The following ATOSA variants were observed in gnomAD, a reference collection of about 807,000 sequenced individuals.
ATOSA encodes atos homolog protein A.
At chr15:52,636,039 A>T in the ATOSA span, among the ~76,000 whole-genome samples, 1 of 147,468 alleles carries the variant, frequency 6.8e-6, no homozygotes, top group Admixed American at 6.8e-5. Context: ...TAATAAATAT[A>T]TATTATTAAT....
the ATOSA span, among the ~76,000 whole-genome samples, chr15:52,649,265 C>T: frequency 6.6e-5 from 10 of 151,962 alleles, no homozygotes; most frequent in East Asian, 5.8e-4. Flanking sequence ...ATGAAATTTC[C>T]GCAAGGAAGA....
the ATOSA span, chr15:52,608,839 A>G: frequency 5.0e-6 from 8 of 1,607,430 alleles, no homozygotes; most frequent in Non-Finnish European, 6.8e-6. Context: ...ATATTCAGAC[A>G]TTTCCAACAC....
At chr15:52,679,745 A>ATAG in the ATOSA span, among the ~76,000 whole-genome samples, 16 of 144,276 alleles carry the variant, frequency 1.1e-4, 2 homozygotes, top group East Asian at 3.4e-3. Context: ...GAGGATAATT[A>ATAG]TAGTCGTCGT....
chr15:52,602,955 T>C, the ATOSA span, among the ~76,000 whole-genome samples: 2 of 152,212 alleles, frequency 1.3e-5, no homozygotes, highest in Non-Finnish European at 2.9e-5. Flanking sequence ...CATAACATTA[T>C]GCATTTGGAA....
chr15:52,593,482 A>G, the ATOSA span: 1 of 1,199,460 alleles, frequency 8.3e-7, no homozygotes, highest in Non-Finnish European at 1.1e-6. Context: ...GCTGTTAGGA[A>G]ATGATTTATA....
chr15:52,616,361 G>T, the ATOSA span, among the ~76,000 whole-genome samples: 7 of 152,212 alleles, frequency 4.6e-5, no homozygotes, highest in Non-Finnish European at 7.3e-5. Flanking sequence ...TTGTCTGAAA[G>T]AACTTTAGGA....
At chr15:52,653,013 G>A in the ATOSA span, among the ~76,000 whole-genome samples, 131,854 of 152,208 alleles carry the variant, frequency 0.87, 57,517 homozygotes, top group East Asian at 1. Flanking sequence ...CCTGAACGTC[G>A]CATCAACTAG....
At chr15:52,703,949 T>C in the ATOSA span, among the ~76,000 whole-genome samples, 5 of 152,266 alleles carry the variant, frequency 3.3e-5, no homozygotes, top group Non-Finnish European at 7.4e-5. Context: ...TAGTTTGGTG[T>C]GACTTCCAGG....
chr15:52,641,167 T>G, the ATOSA span, among the ~76,000 whole-genome samples: 1 of 152,338 alleles, frequency 6.6e-6, no homozygotes, highest in East Asian at 1.9e-4. Flanking sequence ...GTCAATCGGT[T>G]TGTACGTTAA....
the ATOSA span, among the ~76,000 whole-genome samples, chr15:52,597,177 TC>T: frequency 1.0e-3 from 6 of 5,818 alleles, no homozygotes; most frequent in East Asian, 0.5. Context: ...TCTATTCTAT[TC>T]TATTCTATTC....
the ATOSA span, among the ~76,000 whole-genome samples, chr15:52,704,030 A>G: frequency 6.6e-6 from 1 of 151,996 alleles, no homozygotes; most frequent in Non-Finnish European, 1.5e-5. Flanking sequence ...TTTATAGGAA[A>G]TAAGGAAGAA....
At chr15:52,651,744 G>T in the ATOSA span, 2 of 900,222 alleles carry the variant, frequency 2.2e-6, no homozygotes, top group South Asian at 3.3e-5. Context: ...TTTTCAAAGT[G>T]AGATAATTTT....
At chr15:52,581,879 T>C in the ATOSA span, 31 of 291,798 alleles carry the variant, frequency 1.1e-4, no homozygotes, top group Non-Finnish European at 3.1e-5. Flanking sequence ...ATTAAATAAC[T>C]GAGAAAATGT....
the ATOSA span, among the ~76,000 whole-genome samples, chr15:52,607,701 A>G: frequency 1.3e-5 from 2 of 152,212 alleles, no homozygotes; most frequent in African/African-American, 2.4e-5. Context: ...CATTACTTTC[A>G]ATGGCAAAAA....
the ATOSA span, among the ~76,000 whole-genome samples, chr15:52,696,030 G>A: frequency 6.6e-6 from 1 of 152,280 alleles, no homozygotes; most frequent in East Asian, 1.9e-4. Flanking sequence ...ACTATCATAA[G>A]GACTGGTCAT....
the ATOSA span, chr15:52,677,862 C>A: frequency 8.4e-7 from 1 of 1,194,628 alleles, no homozygotes; most frequent in Non-Finnish European, 1.2e-6. Flanking sequence ...TCTACCTCAC[C>A]AGCTGGAATC....
the ATOSA span, among the ~76,000 whole-genome samples, chr15:52,626,417 T>A: frequency 6.6e-6 from 1 of 152,082 alleles, no homozygotes; most frequent in Non-Finnish European, 1.5e-5. Flanking sequence ...AGTGTTTCAA[T>A]GTTCTCCTTT....
the ATOSA span, among the ~76,000 whole-genome samples, chr15:52,634,525 A>T: frequency 1.1e-4 from 17 of 152,128 alleles, no homozygotes; most frequent in African/African-American, 4.1e-4. Context: ...TAAAAGGCAG[A>T]CGTTGTGAGA....
At chr15:52,614,109 T>C in the ATOSA span, among the ~76,000 whole-genome samples, 1 of 151,724 alleles carries the variant, frequency 6.6e-6, no homozygotes, top group South Asian at 2.1e-4. Context: ...ATAATAATAA[T>C]TACTATTATT....
Sources: gnomAD v4.1 joint callset for allele counts (sites outside exome capture counted in the v4.1 genomes callset) on GRCh38, gnomAD v4.1.1 for gene constraint, MANE v1.5 for transcripts, NCBI Gene and HGNC (gene_info 2026-07-23, HGNC 2026-07-21) for gene names.